Variants in ANO4 observed in about 807,000 individuals in gnomAD.
ANO4 encodes anoctamin 4.
Under a neutral mutation model 141.9 loss-of-function variants are expected in ANO4, and 69 were observed. The observed-to-expected ratio is 0.49, with a 90% CI of 0.40 to 0.59. ANO4 has a LOEUF of 0.59. Ranked by LOEUF, ANO4 falls within the 20% of genes least tolerant of loss-of-function variation. The pLI, the probability that ANO4 is intolerant of heterozygous loss-of-function variation, is 0.00. For missense variants in ANO4, 894 were observed against 1,162.2 expected, an observed-to-expected ratio of 0.77 and a Z score of 3.36; for synonymous variants, 350 against 394.3, an observed-to-expected ratio of 0.89 and a Z score of 1.33.
intron 5 of ANO4, among the ~76,000 whole-genome samples, chr12:100,961,362 A>C (rs776395570): frequency 2.4e-4 from 37 of 152,098 alleles, no homozygotes; most frequent in Non-Finnish European, 4.4e-5. Context: ...TTGTGGATAG[A>C]TGTAGCCATA....
chr12:100,834,689 A>G (rs937930853), intron 1 of ANO4, among the ~76,000 whole-genome samples: 2 of 152,106 alleles, frequency 1.3e-5, no homozygotes, highest in Non-Finnish European at 2.9e-5. Flanking sequence ...AGCTTGTATT[A>G]GTGATGTGTG....
At chr12:100,946,267 C>T (rs2042715835) in intron 5 of ANO4, among the ~76,000 whole-genome samples, 1 of 152,130 alleles carries the variant, frequency 6.6e-6, no homozygotes, top group African/African-American at 2.4e-5. Context: ...ACATAGGAAG[C>T]CACTGGAGAG....
At chr12:100,763,533 T>A (rs927178774) in intron 3 of ANO4, among the ~76,000 whole-genome samples, 2 of 152,202 alleles carry the variant, frequency 1.3e-5, no homozygotes, top group African/African-American at 4.8e-5. Flanking sequence ...TCCAGCTCCT[T>A]ACACATCATT....
intron 15 of ANO4, among the ~76,000 whole-genome samples, chr12:101,080,900 T>TATATATATACAC (rs1194122665): frequency 0.01 from 1,351 of 130,786 alleles, 16 homozygotes; most frequent in Middle Eastern, 0.024. Flanking sequence ...TATATATATA[T>TATATATATACAC]ACATACACAT....
chr12:101,080,863 T>TAGAG (rs566971676), intron 15 of ANO4, among the ~76,000 whole-genome samples: 5 of 65,980 alleles, frequency 7.6e-5, no homozygotes, highest in Middle Eastern at 7.1e-3. Context: ...TTCTAGGTTC[T>TAGAG]AGATATATAT....
rs76828412 is a variant in ANO4, at chr12:100,870,967, C to T, written c.-140-30679C>T. Among the ~76,000 whole-genome samples, 13 of 152,192 alleles carry T rather than the reference C, an allele frequency of 8.5e-5. No homozygotes were observed. The East Asian group carries it at 1.4e-3, about 16-fold the overall frequency. On this transcript the variant is annotated intron_variant, in intron 1 of 27. Transcript: ENST00000392977. ...ATATACTTATTCTCTGCCTTCATTT[C>T]GTTATTGCTACCTAGTGGTAGGAGA... is the stretch of plus-strand genomic sequence containing the variant.
chr12:100,751,020 C>A (rs1463522710), intron 3 of ANO4, among the ~76,000 whole-genome samples: 2 of 152,144 alleles, frequency 1.3e-5, no homozygotes, highest in Non-Finnish European at 2.9e-5. Context: ...ATGGCCTCAG[C>A]CCTCACAGAG....
At chr12:100,937,936 T>C (rs920105293) in intron 3 of ANO4, among the ~76,000 whole-genome samples, 1 of 152,190 alleles carries the variant, frequency 6.6e-6, no homozygotes, top group African/African-American at 2.4e-5. Flanking sequence ...CTATATACTC[T>C]AAGACAATGT....
intron 24 of ANO4, 23 bp downstream of exon 24, chr12:101,111,733 A>C (rs1566265171): frequency 6.4e-7 from 1 of 1,554,586 alleles, no homozygotes; most frequent in South Asian, 1.2e-5. Flanking sequence ...TAAAACCACT[A>C]TACAGTTTCT....
chr12:100,771,811 G>A (rs1188369386), intron 3 of ANO4, among the ~76,000 whole-genome samples: 1 of 152,224 alleles, frequency 6.6e-6, no homozygotes, highest in African/African-American at 2.4e-5. Context: ...AGGAATGCGG[G>A]TATACGTGAG....
intron 7 of ANO4, among the ~76,000 whole-genome samples, chr12:100,982,032 C>T (rs964977374): frequency 2.6e-5 from 4 of 152,244 alleles, no homozygotes; most frequent in South Asian, 2.1e-4. Context: ...CCCAGGTACC[C>T]GGAATCTCAC....
chr12:101,019,075 G>A (rs1332364709), intron 8 of ANO4, among the ~76,000 whole-genome samples: 1 of 152,058 alleles, frequency 6.6e-6, no homozygotes, highest in Non-Finnish European at 1.5e-5. Context: ...GAGGGGTGGG[G>A]AGACTTGCTG....
intron 15 of ANO4, among the ~76,000 whole-genome samples, chr12:101,079,853 T>TTA (rs1360129796): frequency 6.6e-6 from 1 of 152,156 alleles, no homozygotes; most frequent in Admixed American, 6.5e-5. Context: ...CCTTAGCGTC[T>TTA]TCTAGGCCAG....
chr12:100,770,460 C>T (rs2033250045), intron 3 of ANO4, among the ~76,000 whole-genome samples: 1 of 152,170 alleles, frequency 6.6e-6, no homozygotes, highest in Non-Finnish European at 1.5e-5. Context: ...TATCCTAAAC[C>T]ATCCATAGCC....
chr12:100,983,561 C>A (rs2044578288), intron 7 of ANO4, among the ~76,000 whole-genome samples: 1 of 152,180 alleles, frequency 6.6e-6, no homozygotes, highest in Admixed American at 6.5e-5. Context: ...AATCATAGGA[C>A]TGAGATCTCC....
intron 1 of ANO4, among the ~76,000 whole-genome samples, chr12:100,821,002 C>T (rs889326388): frequency 5.3e-5 from 8 of 152,002 alleles, no homozygotes; most frequent in African/African-American, 1.7e-4. Flanking sequence ...CCCTTGCACT[C>T]TCTGTTTGAC....
At chr12:101,068,683 A>T in intron 14 of ANO4, 1 of 1,305,916 alleles carries the variant, frequency 7.7e-7, no homozygotes, top group Non-Finnish European at 1.1e-6. Context: ...CTATTAGAGT[A>T]GGATCAAAGA....
intron 8 of ANO4, among the ~76,000 whole-genome samples, chr12:100,996,341 G>A (rs1175142837): frequency 6.6e-6 from 1 of 152,162 alleles, no homozygotes; most frequent in South Asian, 2.1e-4. Context: ...CTAAGAAAAA[G>A]CGCTAACAAT....
chr12:100,994,380 G>A (rs1458931356), intron 8 of ANO4, among the ~76,000 whole-genome samples: 2 of 152,150 alleles, frequency 1.3e-5, no homozygotes, highest in African/African-American at 4.8e-5. Flanking sequence ...AATGGCATTA[G>A]CGATGACACC....
Sources: gnomAD v4.1 joint callset for allele counts (sites outside exome capture counted in the v4.1 genomes callset) on GRCh38, gnomAD v4.1.1 for gene constraint, MANE v1.5 for transcripts, NCBI Gene and HGNC (gene_info 2026-07-23, HGNC 2026-07-21) for gene names.